The following EMP3 variants were observed in gnomAD, a reference collection of about 807,000 sequenced individuals.
EMP3 encodes the protein epithelial membrane protein 3 (MAM blood group).
Under a neutral mutation model 21.6 loss-of-function variants are expected in EMP3, and 15 were observed. That is an observed-to-expected ratio of 0.69 (90% CI 0.46 to 1.07). The LOEUF is 1.07. EMP3 is among the 50% of genes least tolerant of loss of function. The probability of loss-of-function intolerance (pLI) is 0.00; values close to 1 mark genes in which losing one functional copy is unlikely to be tolerated. For synonymous variants in EMP3, 107 were observed against 86.1 expected, an observed-to-expected ratio of 1.24 and a Z score of -1.34; for missense variants, 183 against 206.6, an observed-to-expected ratio of 0.89 and a Z score of 0.70.
At chr19:48,328,864 GT>G (rs2147345972) in intron 3 of EMP3, among the ~76,000 whole-genome samples, 2 of 152,318 alleles carry the variant, frequency 1.3e-5, no homozygotes, top group African/African-American at 4.8e-5. Context: ...GCTCACACCT[GT>G]AATCCCAGCA....
rs1001354085 is a variant in EMP3, at chr19:48,330,181, A to G, written c.323-120A>G. On this transcript the variant is annotated intron_variant, in intron 4 of 4. Transcript: ENST00000270221. ...CGCTGGGCGGGGGGGAAAGAACCAC[A>G]ACTCCCAGCAGGCAGCGGCGCTGCC... 5 of 1,401,770 alleles carry G rather than the reference A, an allele frequency of 3.6e-6. No individual in the cohort carries two copies. In the African/African-American group the frequency reaches 7.4e-5, roughly 21 times the overall value. The allele number at this position is 1,401,770 out of a possible 1,614,324, so 86.8% of individuals were successfully genotyped here.
At chr19:48,327,022 T>G (rs1446883564) in intron 2 of EMP3, 100 bp downstream of exon 2, 1 of 1,013,000 alleles carries the variant, frequency 9.9e-7, no homozygotes, top group East Asian at 2.4e-5. Flanking sequence ...TACCTAGTAT[T>G]TCTTTTTTAT....
Position 48,330,428 on chromosome 19 carries a change from G to A in EMP3, c.450G>A (p.Leu150=). The change falls in exon 5 of 5, where the codon CTG becomes CTA. Residue 150 remains leucine, a synonymous_variant. Coordinates refer to ENST00000270221, the MANE Select transcript of EMP3 (RefSeq NM_001425.3). ...ALAWVAFPLA[L]VSGIIYIHLR... Reference sequence around the variant, plus strand: ...CCTGGGTGGCCTTCCCCCTCGCCCTGGTCAGCGGCATCATCTACATCCACC... The same window carrying A: ...CCTGGGTGGCCTTCCCCCTCGCCCTAGTCAGCGGCATCATCTACATCCACC... 6.3e-7 allele frequency: 1 copy of A among 1,597,514 alleles called. No homozygotes were observed. Among genetic ancestry groups the A allele is most frequent in the East Asian group, 2.4e-5 (1 of 42,378 alleles).
chr19:48,329,829 C>T lies in EMP3; in HGVS notation c.322+337C>T, dbSNP rs1268500610. 6.6e-6 allele frequency among the ~76,000 whole-genome samples: 1 copy of T among 152,102 alleles called. No individual in the cohort carries two copies. The highest frequency in any genetic ancestry group is 1.5e-5 in the Non-Finnish European group (1 of 68,034). The stretch of plus-strand genomic sequence containing the variant: ...ACGTGGGGGGATAAACTAATTAGTA[C>T]CTCAGTAGAGAGCTCTAAATCATAA... On this transcript the variant is annotated intron_variant, in intron 4 of 4. Transcript: ENST00000270221. This position sits in a 1 kb window ranked among gnomAD's most constrained non-coding sequence, Gnocchi z 4.5.
rs62131983 is a variant in EMP3 at position 48,330,173 on chromosome 19, A to G, written c.323-128A>G. 5 of 1,365,032 alleles carry G rather than the reference A, an allele frequency of 3.7e-6. No homozygotes were observed. In the Admixed American group the frequency reaches 1.1e-4, roughly 30 times the overall value. The allele number at this position is 1,365,032 out of a possible 1,614,324, so 84.6% of individuals were successfully genotyped here. On this transcript the variant is annotated intron_variant, in intron 4 of 4. Coordinates refer to ENST00000270221, the MANE Select transcript of EMP3 (RefSeq NM_001425.3). Reference sequence around the variant, plus strand: ...TTGCACGGCGCTGGGCGGGGGGGAAAGAACCACAACTCCCAGCAGGCAGCG... The same window carrying G: ...TTGCACGGCGCTGGGCGGGGGGGAAGGAACCACAACTCCCAGCAGGCAGCG...
chr19:48,328,301 A>G (rs758023219), intron 3 of EMP3, among the ~76,000 whole-genome samples: 5 of 151,286 alleles, frequency 3.3e-5, no homozygotes, highest in Non-Finnish European at 7.4e-5. Context: ...AGTCCCAGCT[A>G]CTTGGGAGGC....
chr19:48,330,170 GA>G, intron 4 of EMP3, 130 bp from the exon 5 acceptor site: 2 of 1,343,000 alleles, frequency 1.5e-6, no homozygotes, highest in Non-Finnish European at 2.0e-6. Flanking sequence ...GGGCGGGGGG[GA>G]AAGAACCACA....
At chr19:48,327,427 CCT>C in intron 2 of EMP3, 92 bp from the exon 3 acceptor site, 1 of 862,054 alleles carries the variant, frequency 1.2e-6, no homozygotes, top group Non-Finnish European at 1.9e-6. Flanking sequence ...TCCCAGATAC[CCT>C]GCCCTTTTCC....
intron 1 of EMP3, chr19:48,325,957 G>C (rs1177244146): frequency 6.6e-6 from 1 of 152,310 alleles, no homozygotes; most frequent in Non-Finnish European, 1.5e-5. Flanking sequence ...AGTCCTGGGA[G>C]GCTAACTCCT....
chr19:48,329,515 C>T lies in EMP3; in HGVS notation c.322+23C>T. On this transcript the variant is annotated intron_variant, in intron 4 of 4. Coordinates refer to ENST00000270221, the MANE Select transcript of EMP3 (RefSeq NM_001425.3). The surrounding 1 kb of genome is among the most constrained non-coding windows in gnomAD (Gnocchi z 4.5). Reference sequence around the variant, plus strand: ...CCAGTGAGCACTGCCCCTCCCCAACCCTAATCCCCCAAGAATTGAGCAGAA... The same window carrying T: ...CCAGTGAGCACTGCCCCTCCCCAACTCTAATCCCCCAAGAATTGAGCAGAA... The T allele has an allele frequency of 1.9e-6, 3 of 1,613,734 alleles. No homozygotes were observed. Among genetic ancestry groups the T allele is most frequent in the Non-Finnish European group, 2.5e-6 (3 of 1,179,750 alleles).
rs1969192507 is a variant in EMP3 at position 48,330,475 on chromosome 19, C to T, written c.*5C>T. The T allele has an allele frequency of 1.3e-6, 2 of 1,577,452 alleles. No homozygotes were observed. The highest frequency in any genetic ancestry group is 2.4e-5 in the East Asian group (1 of 41,304). ...CACCTACGGAAGCGGGAGTGAGCGC[C>T]CCGCCTCGCTCGGCTGCCCCCGCCC... On this transcript the variant is annotated 3_prime_UTR_variant, in exon 5 of 5. Transcript: ENST00000270221.
intron 3 of EMP3, 166 bp downstream of exon 3, chr19:48,327,789 T>G (rs1404272738): frequency 2.0e-5 from 12 of 607,454 alleles, no homozygotes; most frequent in Non-Finnish European, 3.2e-5. Flanking sequence ...CCTGTCTGGA[T>G]GTACCTACCT....
intron 3 of EMP3, 91 bp downstream of exon 3, chr19:48,327,714 A>G: frequency 7.8e-7 from 1 of 1,288,636 alleles, no homozygotes; most frequent in Non-Finnish European, 1.1e-6. Flanking sequence ...CCCTCCCCCA[A>G]CAAAGTTGGA....
intron 3 of EMP3, 79 bp downstream of exon 3, chr19:48,327,702 A>G: frequency 7.2e-7 from 1 of 1,395,142 alleles, no homozygotes; most frequent in Non-Finnish European, 1.0e-6. Context: ...GAGAATTGGG[A>G]ACCCTCCCCC....
Position 48,330,541 on chromosome 19 carries a change from A to C in EMP3, c.*71A>C. 3 of 1,395,606 alleles carry C rather than the reference A, an allele frequency of 2.1e-6. No individual in the cohort carries two copies. The highest frequency in any genetic ancestry group is 1.3e-5 in the South Asian group (1 of 76,116). 86.5% of individuals were successfully genotyped at this position (1,395,606 alleles called of 1,614,324 possible). ...CGCCGCGCGTCCTCCAAAAAATAAA[A>C]CCTTAACCGCGGGCTCTGCCTTGAT... On this transcript the variant is annotated 3_prime_UTR_variant, in exon 5 of 5. Transcript: ENST00000270221.
intron 1 of EMP3, among the ~76,000 whole-genome samples, chr19:48,326,496 T>A (rs2147344229): frequency 6.6e-6 from 1 of 151,328 alleles, no homozygotes; most frequent in Non-Finnish European, 1.5e-5. Flanking sequence ...ATGCCAAATT[T>A]TTTTTTTTTT....
intron 2 of EMP3, among the ~76,000 whole-genome samples, chr19:48,327,189 A>C (rs10414314): frequency 0.51 from 77,845 of 151,656 alleles, 20,320 homozygotes; most frequent in Middle Eastern, 0.62. Context: ...CCTGCCACCA[A>C]GCCCGGCTAA....
intron 3 of EMP3, among the ~76,000 whole-genome samples, chr19:48,328,007 T>C (rs45570234): frequency 0.066 from 10,027 of 152,052 alleles, 551 homozygotes; most frequent in African/African-American, 0.14. Context: ...GGTTTCACCA[T>C]GTTGGCCAGG....
chr19:48,330,524 G>C lies in EMP3; in HGVS notation c.*54G>C. On this transcript the variant is annotated 3_prime_UTR_variant, in exon 5 of 5. Coordinates refer to ENST00000270221, the MANE Select transcript of EMP3 (RefSeq NM_001425.3). The stretch of plus-strand genomic sequence containing the variant: ...CCCTTCCCGGCCCCCCTCGCCGCGC[G>C]TCCTCCAAAAAATAAAACCTTAACC... 1 of 1,479,786 alleles carries C rather than the reference G, an allele frequency of 6.8e-7. No homozygotes were observed. Among genetic ancestry groups the C allele is most frequent in the Non-Finnish European group, 9.0e-7 (1 of 1,112,242 alleles). The allele number at this position is 1,479,786 out of a possible 1,614,324, so 91.7% of individuals were successfully genotyped here. A position where few individuals can be genotyped will look rare whatever the true frequency, so the allele number is the denominator to read the frequency against.
Sources: allele counts gnomAD v4.1 joint callset (sites outside exome capture counted in the v4.1 genomes callset), GRCh38; gene constraint gnomAD v4.1.1; non-coding constraint Gnocchi (gnomAD v3.1); transcripts MANE v1.5; gene names NCBI Gene and HGNC (gene_info 2026-07-23, HGNC 2026-07-21).